Variants in PLAAT5 observed in about 807,000 individuals in gnomAD.
PLAAT5 encodes phospholipase A and acyltransferase 5, also known as Ca(2+)-independent N-acyltransferase.
Under a neutral mutation model 27.8 loss-of-function variants are expected in PLAAT5, and 27 were observed. The observed-to-expected ratio is 0.97, with a 90% confidence interval of 0.72 to 1.34. PLAAT5 has a LOEUF of 1.34. PLAAT5 is among the 40% of genes most tolerant of loss of function. The pLI, the probability that PLAAT5 is intolerant of heterozygous loss-of-function variation, is 0.00. For synonymous variants in PLAAT5, 125 were observed against 136.1 expected (o/e 0.92, Z 0.57); for missense variants, 368 against 343.8 (o/e 1.07, Z -0.56).
chr11:63,472,896 G>A (rs2016062849), intron 3 of PLAAT5, among the ~76,000 whole-genome samples: 1 of 151,868 alleles, frequency 6.6e-6, no homozygotes, highest in Non-Finnish European at 1.5e-5. Flanking sequence ...TTGAGGCAAG[G>A]AATTCAAGAC....
intron 3 of PLAAT5, among the ~76,000 whole-genome samples, chr11:63,487,713 C>G (rs1362024863): frequency 6.6e-6 from 1 of 152,124 alleles, no homozygotes; most frequent in Non-Finnish European, 1.5e-5. Flanking sequence ...TTGTGATAGT[C>G]AAAAACTAGT....
rs926958865 is a variant in PLAAT5 at position 63,462,374 on chromosome 11, G to C, written c.*1129C>G. 3 of 152,194 alleles carry C rather than the reference G, an allele frequency of 2.0e-5. No individual in the cohort carries two copies. Among genetic ancestry groups the C allele is most frequent in the Non-Finnish European group, 4.4e-5 (3 of 68,036 alleles). 9.4% of individuals were successfully genotyped at this position (152,194 alleles called of 1,614,324 possible). A position where few individuals can be genotyped will look rare whatever the true frequency, so the allele number is the denominator to read the frequency against. On this transcript the variant is annotated 3_prime_UTR_variant, in exon 6 of 6. Transcript: ENST00000540857. ...TGATTCACAGAAATGAGTGCAGAGG[G>C]AAGACAAAGTCAGATGCCCAGACTG...
At chr11:63,481,210 C>A (rs1407622485) in intron 3 of PLAAT5, among the ~76,000 whole-genome samples, 1 of 152,186 alleles carries the variant, frequency 6.6e-6, no homozygotes, top group African/African-American at 2.4e-5. Context: ...GAGGCTGAGG[C>A]AGGTGGATCA....
At chr11:63,489,183 T>C (rs2016505759) in intron 2 of PLAAT5, among the ~76,000 whole-genome samples, 1 of 152,244 alleles carries the variant, frequency 6.6e-6, no homozygotes, top group Non-Finnish European at 1.5e-5. Context: ...CAAATGCTAA[T>C]GATAGCAAGA....
rs746246342 is a variant in PLAAT5, at chr11:63,490,356, A to G, written c.149-23T>C. 3 of 1,614,000 alleles carry G rather than the reference A, an allele frequency of 1.9e-6. No homozygotes were observed. The South Asian group carries it at 3.3e-5, about 18-fold the overall frequency. On this transcript the variant is annotated intron_variant, in intron 1 of 5. Transcript: ENST00000540857. Reference sequence around the variant, plus strand: ...CTTCTAATTCAAGGGGGGAAATGCTATTTAGACCTGTGAAAGGAGAGTTCG... The same window carrying G: ...CTTCTAATTCAAGGGGGGAAATGCTGTTTAGACCTGTGAAAGGAGAGTTCG...
chr11:63,470,369 C>T (rs1038392396), intron 3 of PLAAT5: 1 of 164,704 alleles, frequency 6.1e-6, no homozygotes, highest in Non-Finnish European at 1.4e-5. Context: ...TGTGGTAAAG[C>T]TTTTAACCAG....
At chr11:63,489,016 A>G in intron 2 of PLAAT5, 40 bp from the exon 3 acceptor site, 1 of 1,341,828 alleles carries the variant, frequency 7.5e-7, no homozygotes, top group Non-Finnish European at 1.1e-6. Flanking sequence ...AAATATCACT[A>G]TTTCATAATT....
intron 2 of PLAAT5, among the ~76,000 whole-genome samples, chr11:63,489,310 C>T (rs1032909674): frequency 2.6e-5 from 4 of 152,184 alleles, no homozygotes; most frequent in African/African-American, 9.7e-5. Context: ...ATGCAAGGAG[C>T]CTTCCTCCTT....
chr11:63,478,389 C>T (rs2016204362), intron 3 of PLAAT5, among the ~76,000 whole-genome samples: 1 of 151,892 alleles, frequency 6.6e-6, no homozygotes, highest in African/African-American at 2.4e-5. Flanking sequence ...GGCGCGATCT[C>T]AGCTCACTGC....
intron 3 of PLAAT5, among the ~76,000 whole-genome samples, chr11:63,480,364 G>A (rs2016255209): frequency 6.6e-6 from 1 of 152,194 alleles, no homozygotes; most frequent in Admixed American, 6.5e-5. Flanking sequence ...AAGCTTTGTG[G>A]TACAGAAAAC....
At chr11:63,478,827 T>C (rs1266193415) in intron 3 of PLAAT5, among the ~76,000 whole-genome samples, 1 of 152,196 alleles carries the variant, frequency 6.6e-6, no homozygotes, top group Non-Finnish European at 1.5e-5. Context: ...TACACTACAA[T>C]ATTTCATGGA....
intron 3 of PLAAT5, among the ~76,000 whole-genome samples, chr11:63,481,416 G>A (rs2016281461): frequency 6.6e-6 from 1 of 152,098 alleles, no homozygotes; most frequent in South Asian, 2.1e-4. Context: ...CTCCAGCCTG[G>A]GTGACAGAGC....
At chr11:63,466,080 A>G in intron 5 of PLAAT5, 30 bp downstream of exon 5, 1 of 1,601,120 alleles carries the variant, frequency 6.2e-7, no homozygotes, top group Non-Finnish European at 8.5e-7. Context: ...GCTCTGGAAG[A>G]AGCCATCATC....
intron 3 of PLAAT5, among the ~76,000 whole-genome samples, chr11:63,479,033 A>C (rs754305776): frequency 6.6e-6 from 1 of 152,222 alleles, no homozygotes; most frequent in African/African-American, 2.4e-5. Context: ...AGAAAGCAGA[A>C]TGATATTGCA....
rs368931250 is a variant in PLAAT5, at chr11:63,491,031, C to T, written c.4G>A (p.Gly2Ser). 22 of 1,445,912 alleles carry T rather than the reference C, an allele frequency of 1.5e-5. No individual in the cohort carries two copies. The African/African-American group carries it at 2.5e-4, about 17-fold the overall frequency. 89.6% of individuals were successfully genotyped at this position (1,445,912 alleles called of 1,614,324 possible). Residue 2 changes from glycine to serine, a missense_variant, in exon 1 of 6, where the codon GGC (glycine) becomes AGC (serine). Gly to Ser is a moderately conservative substitution (Grantham distance 56, BLOSUM62 0). Transcript: ENST00000540857. ...TCCCCCTCGGCGCCCGGGCTCAGGC[C>T]CATCCCGCCTCTGCGGCCTCGCCGG... M[G>S]LSPGAEGEYA...
At chr11:63,475,176 T>C (rs941446444) in intron 3 of PLAAT5, among the ~76,000 whole-genome samples, 1 of 151,318 alleles carries the variant, frequency 6.6e-6, no homozygotes. Context: ...GTCAGTTAGT[T>C]GCTTACATCT....
At chr11:63,483,816 T>TATATATACAC (rs1555028251) in intron 3 of PLAAT5, among the ~76,000 whole-genome samples, 3 of 101,482 alleles carry the variant, frequency 3.0e-5, no homozygotes, top group African/African-American at 1.1e-4. Context: ...TATATATATA[T>TATATATACAC]ATATATATAT....
At chr11:63,466,476 C>T (rs1442380522) in intron 4 of PLAAT5, 104 bp from the exon 5 acceptor site, 10 of 1,166,620 alleles carry the variant, frequency 8.6e-6, no homozygotes, top group Non-Finnish European at 1.2e-5. Flanking sequence ...CTCATTGGCA[C>T]CATCAGTAGA....
intron 3 of PLAAT5, among the ~76,000 whole-genome samples, chr11:63,469,211 T>C (rs1218358148): frequency 6.6e-6 from 1 of 151,922 alleles, no homozygotes; most frequent in Non-Finnish European, 1.5e-5. Context: ...CATAGAGTTG[T>C]ACATAAGCAT....
Sources: gnomAD v4.1 joint callset for allele counts (sites outside exome capture counted in the v4.1 genomes callset) on GRCh38, gnomAD v4.1.1 for gene constraint, MANE v1.5 for transcripts, NCBI Gene and HGNC (gene_info 2026-07-23, HGNC 2026-07-21) for gene names.